ZMIZ1: variants seen among roughly 807,000 people sequenced by gnomAD.
ZMIZ1 encodes the protein zinc finger MIZ domain-containing protein 1.
Under a neutral mutation model 113.9 loss-of-function variants are expected in ZMIZ1, and 17 were observed. That is an observed-to-expected ratio of 0.15 (90% CI 0.10 to 0.22). The LOEUF is 0.22. Ranked by LOEUF, ZMIZ1 falls within the 10% of genes least tolerant of loss-of-function variation. ZMIZ1 has a pLI of 1.00. For synonymous variants in ZMIZ1, 607 were observed against 603.1 expected, an observed-to-expected ratio of 1.01 and a Z score of -0.09; for missense variants, 1,059 against 1,477.8, an observed-to-expected ratio of 0.72 and a Z score of 4.65.
At position 79,168,779 on chromosome 10, in the gene ZMIZ1, G is replaced by A. The variant is rs578040867; in HGVS notation, c.-50+6646G>A. 7.2e-5 allele frequency among the ~76,000 whole-genome samples: 11 copies of A among 152,296 alleles called. No homozygotes were observed. In the South Asian group the frequency reaches 1.7e-3, roughly 23 times the overall value. On this transcript the variant is annotated intron_variant, in intron 4 of 24. Transcript: ENST00000334512. ...GCTCTGGGCTGTGGCCAGTGCAGGA[G>A]GAGAGAAGAGGCAGGGACCTCAGTG...
chr10:79,268,429 A>G (rs1359803615), intron 7 of ZMIZ1, among the ~76,000 whole-genome samples: 1 of 152,160 alleles, frequency 6.6e-6, no homozygotes, highest in Non-Finnish European at 1.5e-5. Context: ...TGGTAGGTTT[A>G]AAGGCCGCTG....
intron 6 of ZMIZ1, among the ~76,000 whole-genome samples, chr10:79,213,053 C>A (rs918265462): frequency 6.6e-6 from 1 of 152,114 alleles, no homozygotes; most frequent in African/African-American, 2.4e-5. Context: ...CTGCCACCCC[C>A]ACCCCGCCAC....
In ZMIZ1 at chr10:79,298,578, C is replaced by T. The variant is rs1480826644; in HGVS notation, c.1664C>T (p.Pro555Leu). 2 of 1,595,986 alleles carry T rather than the reference C, an allele frequency of 1.3e-6. No individual in the cohort carries two copies. Among genetic ancestry groups the T allele is most frequent in the Admixed American group, 3.6e-5 (2 of 55,594 alleles). The change falls in exon 15 of 25, where the codon CCA becomes CTA. Residue 555 changes from proline to leucine, a missense_variant and splice_region_variant. Coordinates refer to ENST00000334512, the MANE Select transcript of ZMIZ1 (RefSeq NM_020338.4). ...KPNMSALPPP[P>L]ANHNDELRLT... Reference sequence around the variant, plus strand: ...AATATGAGCGCTCTGCCACCACCCCCAGGTGAGGGCCCTCCCTCCCTCTCT... The same window carrying T: ...AATATGAGCGCTCTGCCACCACCCCTAGGTGAGGGCCCTCCCTCCCTCTCT...
chr10:79,250,347 G>A (rs929761848), intron 7 of ZMIZ1, among the ~76,000 whole-genome samples: 1 of 152,334 alleles, frequency 6.6e-6, no homozygotes. Context: ...CCATCTGGGG[G>A]CTTATCCCTC....
intron 4 of ZMIZ1, among the ~76,000 whole-genome samples, chr10:79,170,549 C>T (rs1258419440): frequency 6.6e-6 from 1 of 152,214 alleles, no homozygotes; most frequent in Non-Finnish European, 1.5e-5. Context: ...GCGGAGTCCA[C>T]TCAGATCTGA....
chr10:79,077,416 CAG>C (rs1366080330), intron 1 of ZMIZ1, among the ~76,000 whole-genome samples: 2 of 146,560 alleles, frequency 1.4e-5, no homozygotes, highest in African/African-American at 5.1e-5. Flanking sequence ...ACCCAAAGCC[CAG>C]AGAGGTGGTG....
chr10:79,192,333 G>C (rs1427428372), intron 4 of ZMIZ1, among the ~76,000 whole-genome samples: 4 of 152,250 alleles, frequency 2.6e-5, no homozygotes, highest in Admixed American at 6.5e-5. Context: ...TCCCAGGGCA[G>C]GTTGCTAGGC....
chr10:79,081,074 G>C (rs1461617361), intron 1 of ZMIZ1, among the ~76,000 whole-genome samples: 3 of 152,148 alleles, frequency 2.0e-5, no homozygotes, highest in Non-Finnish European at 2.9e-5. Context: ...TCCACGGACA[G>C]GCTGCTCCCT....
chr10:79,312,140 C>T (rs1473250272), intron 24 of ZMIZ1, among the ~76,000 whole-genome samples: 1 of 152,252 alleles, frequency 6.6e-6, no homozygotes, highest in Non-Finnish European at 1.5e-5. Flanking sequence ...CCTCCGGGGC[C>T]ACAGGGAAGG....
intron 7 of ZMIZ1, among the ~76,000 whole-genome samples, chr10:79,233,145 A>AG (rs1849461539): frequency 1.3e-5 from 2 of 152,136 alleles, no homozygotes; most frequent in African/African-American, 4.8e-5. Context: ...CCCCTTGTTG[A>AG]GGGGGAGCAG....
At chr10:79,166,306 G>A (rs1350312596) in intron 4 of ZMIZ1, among the ~76,000 whole-genome samples, 5 of 152,246 alleles carry the variant, frequency 3.3e-5, no homozygotes, top group African/African-American at 4.8e-5. Flanking sequence ...CTGCACAACA[G>A]AGGCCTCCCT....
intron 7 of ZMIZ1, among the ~76,000 whole-genome samples, chr10:79,227,906 T>C (rs535988070): frequency 5.3e-5 from 8 of 152,320 alleles, no homozygotes; most frequent in African/African-American, 1.4e-4. Flanking sequence ...TCTGAGCCAC[T>C]GTGCAGGAGG....
At chr10:79,238,021 C>T (rs1247177292) in intron 7 of ZMIZ1, among the ~76,000 whole-genome samples, 1 of 152,264 alleles carries the variant, frequency 6.6e-6, no homozygotes, top group Non-Finnish European at 1.5e-5. Flanking sequence ...TGTCTCCGCC[C>T]TAGCCCTGGG....
intron 7 of ZMIZ1, among the ~76,000 whole-genome samples, chr10:79,247,974 C>G (rs1231189845): frequency 1.3e-5 from 2 of 152,200 alleles, no homozygotes; most frequent in Non-Finnish European, 2.9e-5. Context: ...TCATCTTTAT[C>G]TCATCTCTAA....
intron 7 of ZMIZ1, among the ~76,000 whole-genome samples, chr10:79,267,078 A>C (rs1055054447): frequency 3.9e-5 from 6 of 152,342 alleles, no homozygotes; most frequent in Admixed American, 3.9e-4. Flanking sequence ...CACACTCCAG[A>C]GGAGGAAGGG....
At chr10:79,122,090 A>G (rs979988725) in intron 2 of ZMIZ1, among the ~76,000 whole-genome samples, 7 of 152,146 alleles carry the variant, frequency 4.6e-5, no homozygotes, top group African/African-American at 1.7e-4. Context: ...CGGCCAGTGA[A>G]GCCAACCCTG....
chr10:79,256,206 C>T (rs1358847764), intron 7 of ZMIZ1, among the ~76,000 whole-genome samples: 2 of 152,172 alleles, frequency 1.3e-5, no homozygotes, highest in East Asian at 1.9e-4. Context: ...AGTGTGCCTT[C>T]GAACTTGGCC....
At chr10:79,071,057 A>T (rs1842266475) in intron 1 of ZMIZ1, among the ~76,000 whole-genome samples, 1 of 152,100 alleles carries the variant, frequency 6.6e-6, no homozygotes, top group African/African-American at 2.4e-5. Flanking sequence ...TCTGCCACGG[A>T]CATTTGGAGC....
At chr10:79,208,494 A>T (rs1226176811) in intron 6 of ZMIZ1, 45 bp downstream of exon 6, 8 of 1,540,766 alleles carry the variant, frequency 5.2e-6, no homozygotes, top group Non-Finnish European at 7.1e-6. Flanking sequence ...CAGGAAGGTC[A>T]GCTGAGTGCT....
Sources: allele counts gnomAD v4.1 joint callset (sites outside exome capture counted in the v4.1 genomes callset), GRCh38; gene constraint gnomAD v4.1.1; transcripts MANE v1.5; gene names NCBI Gene and HGNC (gene_info 2026-07-23, HGNC 2026-07-21).